The following DLG1 variants were observed in gnomAD, a reference collection of about 807,000 sequenced individuals.
The protein encoded by DLG1 is disks large homolog 1.
Under a neutral mutation model 123.4 loss-of-function variants are expected in DLG1, and 42 were observed. That is an observed-to-expected ratio of 0.34 (90% CI 0.27 to 0.44). The LOEUF is 0.44. Ranked by LOEUF, DLG1 falls within the 20% of genes least tolerant of loss-of-function variation. DLG1 has a pLI of 1.00. For missense variants in DLG1, 942 were observed against 1,082.6 expected (o/e 0.87, Z 1.82); for synonymous variants, 317 against 356.2 (o/e 0.89, Z 1.24).
chr3:197,116,864 T>A (rs1481007335), intron 12 of DLG1, among the ~76,000 whole-genome samples: 2 of 152,170 alleles, frequency 1.3e-5, no homozygotes, highest in Admixed American at 6.5e-5. Flanking sequence ...TTAAAACCTA[T>A]CTGCAGGGGC....
intron 14 of DLG1, among the ~76,000 whole-genome samples, chr3:197,097,366 C>T (rs1285436115): frequency 6.6e-6 from 1 of 152,078 alleles, no homozygotes; most frequent in Non-Finnish European, 1.5e-5. Context: ...CTGTTGCATC[C>T]CCTTGCACAG....
chr3:197,103,280 T>C (rs1244605155), intron 14 of DLG1, among the ~76,000 whole-genome samples: 1 of 152,214 alleles, frequency 6.6e-6, no homozygotes, highest in East Asian at 1.9e-4. Context: ...GTGTATGTTT[T>C]GTTTTTCTTA....
At chr3:197,271,540 C>A (rs1203827029) in intron 4 of DLG1, among the ~76,000 whole-genome samples, 2 of 152,182 alleles carry the variant, frequency 1.3e-5, no homozygotes, top group Non-Finnish European at 2.9e-5. Flanking sequence ...CAGTTAAAAA[C>A]AGACACCTAA....
At chr3:197,060,142 G>A in intron 22 of DLG1, 144 bp from the exon 23 acceptor site, 1 of 513,276 alleles carries the variant, frequency 1.9e-6, no homozygotes, top group Middle Eastern at 5.1e-4. Flanking sequence ...ATTTCTCTCA[G>A]CAAACTTTAG....
intron 9 of DLG1, among the ~76,000 whole-genome samples, 163 bp from the exon 10 acceptor site, chr3:197,136,841 C>A (rs1785267097): frequency 6.6e-6 from 1 of 152,208 alleles, no homozygotes; most frequent in Non-Finnish European, 1.5e-5. Flanking sequence ...AATCAAGGGA[C>A]ACTTAGACAT....
intron 4 of DLG1, among the ~76,000 whole-genome samples, chr3:197,214,061 T>C (rs1732711103): frequency 6.6e-6 from 1 of 152,048 alleles, no homozygotes; most frequent in Non-Finnish European, 1.5e-5. Flanking sequence ...ACCAAATGAA[T>C]ATGCAAATGT....
chr3:197,087,244 AAT>A (rs1217985924), intron 15 of DLG1, among the ~76,000 whole-genome samples: 1 of 151,586 alleles, frequency 6.6e-6, no homozygotes, highest in Admixed American at 6.6e-5. Flanking sequence ...TTTATCATAT[AAT>A]ATGTGAGTGA....
intron 4 of DLG1, among the ~76,000 whole-genome samples, chr3:197,268,456 G>A (rs748114198): frequency 2.6e-5 from 4 of 151,858 alleles, no homozygotes; most frequent in Admixed American, 2.0e-4. Flanking sequence ...GTCTTGATCC[G>A]TCGCCCAGGC....
chr3:197,070,329 G>A (rs3843374), intron 18 of DLG1: 35,942 of 148,792 alleles, frequency 0.24, 5,495 homozygotes, highest in East Asian at 0.72. Flanking sequence ...CTGCAGCCTC[G>A]CCCTCCTCTC....
chr3:197,104,617 G>A (rs1270180490), intron 14 of DLG1, among the ~76,000 whole-genome samples: 1 of 152,140 alleles, frequency 6.6e-6, no homozygotes, highest in Non-Finnish European at 1.5e-5. Flanking sequence ...GGGAGGCAGA[G>A]GTTGCGGTGA....
At chr3:197,222,520 G>A (rs1737668683) in intron 4 of DLG1, among the ~76,000 whole-genome samples, 1 of 152,212 alleles carries the variant, frequency 6.6e-6, no homozygotes, top group Non-Finnish European at 1.5e-5. Flanking sequence ...TGATGTAATT[G>A]TAAGATAGGT....
chr3:197,172,895 C>T (rs1361762076), intron 5 of DLG1, among the ~76,000 whole-genome samples: 1 of 152,166 alleles, frequency 6.6e-6, no homozygotes, highest in Non-Finnish European at 1.5e-5. Flanking sequence ...ATATTTTCAT[C>T]GCTTTTCTAT....
intron 23 of DLG1, among the ~76,000 whole-genome samples, chr3:197,054,370 C>T (rs183690459): frequency 5.0e-4 from 76 of 152,216 alleles, no homozygotes; most frequent in Admixed American, 1.1e-3. Context: ...ACAATGTGTA[C>T]GTTGACTGCT....
intron 12 of DLG1, among the ~76,000 whole-genome samples, chr3:197,118,593 G>A (rs1033684252): frequency 6.6e-6 from 1 of 152,108 alleles, no homozygotes; most frequent in Non-Finnish European, 1.5e-5. Context: ...ACATTACTTA[G>A]TACACATTTT....
intron 4 of DLG1, among the ~76,000 whole-genome samples, chr3:197,257,635 C>A (rs1274670254): frequency 6.6e-6 from 1 of 152,080 alleles, no homozygotes; most frequent in Non-Finnish European, 1.5e-5. Context: ...TAATGAAACA[C>A]CTGAACTTAA....
At chr3:197,279,522 G>A (rs771057220) in intron 4 of DLG1, among the ~76,000 whole-genome samples, 2 of 152,058 alleles carry the variant, frequency 1.3e-5, no homozygotes, top group Non-Finnish European at 2.9e-5. Flanking sequence ...TGTGCCATGC[G>A]CTAAACAACA....
At chr3:197,064,482 C>T (rs1014924635) in intron 22 of DLG1, among the ~76,000 whole-genome samples, 12 of 152,204 alleles carry the variant, frequency 7.9e-5, no homozygotes, top group African/African-American at 2.7e-4. Context: ...CGTGAGCCAC[C>T]GCACCCGGCC....
At chr3:197,107,345 C>T (rs1255233874) in intron 13 of DLG1, among the ~76,000 whole-genome samples, 1 of 152,084 alleles carries the variant, frequency 6.6e-6, no homozygotes, top group African/African-American at 2.4e-5. Flanking sequence ...GAGATCGAGA[C>T]CTTCCTGGGT....
At chr3:197,110,409 A>G (rs1579399842) in intron 13 of DLG1, among the ~76,000 whole-genome samples, 1 of 152,156 alleles carries the variant, frequency 6.6e-6, no homozygotes, top group East Asian at 1.9e-4. Flanking sequence ...CTTTACTTTC[A>G]TGTCAGTCTA....
Sources: gnomAD v4.1 joint callset for allele counts (sites outside exome capture counted in the v4.1 genomes callset) on GRCh38, gnomAD v4.1.1 for gene constraint, MANE v1.5 for transcripts, NCBI Gene and HGNC (gene_info 2026-07-23, HGNC 2026-07-21) for gene names.